Variants in NKIRAS1 observed in about 807,000 individuals in gnomAD.
NKIRAS1 encodes the protein NFKB inhibitor interacting Ras like 1.
A neutral mutation model predicts 19.8 loss-of-function variants in NKIRAS1; 16 were observed. The observed-to-expected ratio is 0.81, with a 90% CI of 0.55 to 1.23. The LOEUF is 1.23. Among genes scored for constraint, NKIRAS1 ranks in the 50% most tolerant of loss-of-function variants. The probability of loss-of-function intolerance (pLI) is 0.00; values close to 1 mark genes in which losing one functional copy is unlikely to be tolerated. For missense variants in NKIRAS1, 184 were observed against 220.0 expected, an observed-to-expected ratio of 0.84 and a Z score of 1.04; for synonymous variants, 88 against 79.0, an observed-to-expected ratio of 1.11 and a Z score of -0.61.
chr3:23,932,984 G>T (rs530050583), intron 1 of NKIRAS1, among the ~76,000 whole-genome samples: 5 of 152,232 alleles, frequency 3.3e-5, no homozygotes, highest in East Asian at 1.9e-4. Context: ...AGGAATTAAG[G>T]TTGCAAATCA....
chr3:23,946,250 C>G, intron 1 of NKIRAS1: 1 of 985,432 alleles, frequency 1.0e-6, no homozygotes, highest in Non-Finnish European at 1.2e-6. Context: ...GCTCTTTTCG[C>G]GAGGTGACCC....
At chr3:23,921,421 C>G (rs1275702090), upstream of NKIRAS1, among the ~76,000 whole-genome samples, 1 of 152,200 alleles carries the variant, frequency 6.6e-6, no homozygotes, top group African/African-American at 2.4e-5. Flanking sequence ...ATACACCAAA[C>G]ACTTCCTAAT....
At chr3:23,900,742 A>G (rs1027365596) in intron 4 of NKIRAS1, 66 bp downstream of exon 4, 11 of 1,293,788 alleles carry the variant, frequency 8.5e-6, no homozygotes, top group African/African-American at 5.9e-5. Flanking sequence ...AAACTACCCA[A>G]AAGTCTGTGC....
chr3:23,904,987 G>C (rs1368027856), intron 3 of NKIRAS1, among the ~76,000 whole-genome samples: 7 of 152,066 alleles, frequency 4.6e-5, no homozygotes, highest in African/African-American at 1.4e-4. Context: ...CAAAATGGAT[G>C]AATCTTTTAT....
At chr3:23,933,017 T>C (rs1332955292) in intron 1 of NKIRAS1, among the ~76,000 whole-genome samples, 1 of 152,150 alleles carries the variant, frequency 6.6e-6, no homozygotes, top group Non-Finnish European at 1.5e-5. Context: ...ATGGGGAGAC[T>C]TCAGGCCTAA....
At chr3:23,944,446 T>C (rs1705573952) in intron 1 of NKIRAS1, among the ~76,000 whole-genome samples, 1 of 152,226 alleles carries the variant, frequency 6.6e-6, no homozygotes, top group South Asian at 2.1e-4. Flanking sequence ...CTTACTTCAG[T>C]AATGCGTTTA....
intron 1 of NKIRAS1, among the ~76,000 whole-genome samples, chr3:23,942,592 C>G (rs6790140): frequency 0.14 from 20,557 of 151,986 alleles, 1,990 homozygotes; most frequent in African/African-American, 0.26. Context: ...CCACCATGCC[C>G]GGCTAATTTT....
intron 1 of NKIRAS1, among the ~76,000 whole-genome samples, chr3:23,945,939 C>A (rs1375138671): frequency 6.6e-6 from 1 of 150,436 alleles, no homozygotes; most frequent in African/African-American, 2.4e-5. Context: ...ACATAATGGG[C>A]GCTGAGGCGG....
Position 23,895,898 on chromosome 3 carries a change from G to GTGGA in NKIRAS1, c.337-2565_337-2562dup, listed in dbSNP as rs1319732108. On this transcript the variant is annotated intron_variant, in intron 4 of 4. Transcript: ENST00000425478. ...CACCTGTAATCCCGTACTTTGGGAG[G>GTGGA]TGGAGGTGGGTGGATCATGAGGTCA... Among the ~76,000 whole-genome samples, 4 of 152,046 alleles carry GTGGA rather than the reference G, an allele frequency of 2.6e-5. No individual in the cohort carries two copies. In the East Asian group the frequency reaches 7.7e-4, roughly 29 times the overall value.
intron 3 of NKIRAS1, among the ~76,000 whole-genome samples, chr3:23,909,712 C>T (rs1189535662): frequency 6.6e-6 from 1 of 152,124 alleles, no homozygotes; most frequent in Non-Finnish European, 1.5e-5. Context: ...GTATCATATA[C>T]CAATTAATAA....
chr3:23,925,390 T>C (rs563600419), intron 1 of NKIRAS1, among the ~76,000 whole-genome samples: 43 of 152,156 alleles, frequency 2.8e-4, no homozygotes, highest in African/African-American at 9.4e-4. Flanking sequence ...TCCTAGCACA[T>C]TGGAAGGCCG....
intron 4 of NKIRAS1, among the ~76,000 whole-genome samples, chr3:23,893,684 G>C (rs1489725147): frequency 2.6e-5 from 4 of 151,490 alleles, no homozygotes; most frequent in African/African-American, 9.7e-5. Flanking sequence ...GTGTGCGCCT[G>C]TACTTGGGAG....
chr3:23,943,232 C>A (rs753776075), intron 1 of NKIRAS1, among the ~76,000 whole-genome samples: 1 of 152,162 alleles, frequency 6.6e-6, no homozygotes, highest in Non-Finnish European at 1.5e-5. Context: ...TCCAGTTTTG[C>A]CTTTTCTTCC....
At chr3:23,923,995 T>G (rs1169414959) in intron 1 of NKIRAS1, 1 of 152,210 alleles carries the variant, frequency 6.6e-6, no homozygotes, top group African/African-American at 2.4e-5. Context: ...TGGCCTCTCA[T>G]GCATTTAGGT....
chr3:23,924,450 G>C (rs1174186845), intron 1 of NKIRAS1: 1 of 152,162 alleles, frequency 6.6e-6, no homozygotes, highest in Non-Finnish European at 1.5e-5. Context: ...TGTCACCCAG[G>C]CTGGAGTACA....
intron 1 of NKIRAS1, among the ~76,000 whole-genome samples, chr3:23,931,983 G>A (rs1336420814): frequency 6.6e-6 from 1 of 152,166 alleles, no homozygotes; most frequent in Non-Finnish European, 1.5e-5. Flanking sequence ...TTAATTTTGA[G>A]GGGAGAGATG....
intron 1 of NKIRAS1, among the ~76,000 whole-genome samples, chr3:23,935,915 A>G (rs908265371): frequency 3.9e-4 from 60 of 152,026 alleles, no homozygotes; most frequent in African/African-American, 1.3e-3. Flanking sequence ...CCTCGTCTCT[A>G]CAAATAATTT....
chr3:23,921,682 C>A (rs781286471), upstream of NKIRAS1: 24 of 619,664 alleles, frequency 3.9e-5, no homozygotes, highest in South Asian at 1.6e-4. Flanking sequence ...TTGAGCAATT[C>A]TTCTGCCTCG....
chr3:23,932,263 A>C (rs1431129352), intron 1 of NKIRAS1, among the ~76,000 whole-genome samples: 1 of 152,174 alleles, frequency 6.6e-6, no homozygotes, highest in Non-Finnish European at 1.5e-5. Context: ...ACAAAGAAAT[A>C]AATTACATAA....
Sources: allele counts gnomAD v4.1 joint callset (sites outside exome capture counted in the v4.1 genomes callset), GRCh38; gene constraint gnomAD v4.1.1; transcripts MANE v1.5; gene names NCBI Gene and HGNC (gene_info 2026-07-23, HGNC 2026-07-21).